USP25: variants seen among roughly 807,000 people sequenced by gnomAD.
USP25 encodes ubiquitin carboxyl-terminal hydrolase 25.
In USP25, 85 loss-of-function variants were observed where a neutral mutation model predicts 158.5. The ratio of observed to expected loss-of-function variants is 0.54; its 90% CI spans 0.45 to 0.64. The LOEUF (loss-of-function observed/expected upper bound fraction) is 0.64. USP25 is among the 30% of genes least tolerant of loss of function. The pLI is 0.00. For missense variants in USP25, 1,242 were observed against 1,327.3 expected, an observed-to-expected ratio of 0.94 and a Z score of 1.00; for synonymous variants, 464 against 460.4, an observed-to-expected ratio of 1.01 and a Z score of -0.10.
At chr21:15,847,592 G>C (rs1019849623) in intron 18 of USP25, 71 bp from the exon 19 acceptor site, 1 of 1,071,812 alleles carries the variant, frequency 9.3e-7, no homozygotes, top group Non-Finnish European at 1.4e-6. Flanking sequence ...AGGTTATACA[G>C]TTGTGCAAGG....
intron 7 of USP25, among the ~76,000 whole-genome samples, chr21:15,807,699 T>C (rs2036460447): frequency 6.6e-6 from 1 of 152,330 alleles, no homozygotes; most frequent in African/African-American, 2.4e-5. Context: ...GTTTTCTGTT[T>C]CTTACAAGAA....
In USP25 at chr21:15,826,855, A is replaced by G. The variant is rs888007479; in HGVS notation, c.1467-122A>G. The G allele has an allele frequency of 8.2e-6, 7 of 848,658 alleles. No homozygotes were observed. The highest frequency in any genetic ancestry group is 5.1e-5 in the African/African-American group (3 of 58,716). The allele number at this position is 848,658 out of a possible 1,614,324, so 52.6% of individuals were successfully genotyped here. ...TCATTTGGATGTTAGATCAATCCAC[A>G]TATTTCTTTAAGATTTTTTCTTTTG... On this transcript the variant is annotated intron_variant, in intron 13 of 25. Coordinates refer to ENST00000400183, the MANE Select transcript of USP25 (RefSeq NM_001283041.3). This position sits in a 1 kb window ranked among gnomAD's most constrained non-coding sequence, Gnocchi z 4.8.
At chr21:15,777,259 G>A (rs1388180157) in intron 3 of USP25, among the ~76,000 whole-genome samples, 4 of 152,088 alleles carry the variant, frequency 2.6e-5, no homozygotes, top group Non-Finnish European at 5.9e-5. Flanking sequence ...AAATTAAAAG[G>A]ACTGCATATT....
At chr21:15,817,598 A>T (rs1248832228) in intron 9 of USP25, among the ~76,000 whole-genome samples, 1 of 152,172 alleles carries the variant, frequency 6.6e-6, no homozygotes, top group African/African-American at 2.4e-5. Flanking sequence ...ACAGTTTTAC[A>T]TGGCTGGGGA....
Position 15,842,419 on chromosome 21 carries a change from A to C in USP25, c.2216A>C (p.Glu739Ala). 6.2e-7 allele frequency: 1 copy of C among 1,613,680 alleles called. No homozygotes were observed. Among genetic ancestry groups the C allele is most frequent in the Non-Finnish European group, 8.5e-7 (1 of 1,179,716 alleles). The change falls in exon 18 of 26, where the codon GAA (glutamate) becomes GCA (alanine). Residue 739 changes from glutamate (E) to alanine (A), a missense_variant. By Grantham distance (107) the Glu-to-Ala change is moderately radical (BLOSUM62 -1). Transcript: ENST00000400183. ...GAAGCACAAGCAGCAGGAGACCCAG[A>C]ATATCTAGAGCAGCCATCAAGAAGT... is the stretch of plus-strand genomic sequence containing the variant. ...VTTAQAAGDP[E>A]YLEQPSRSDF...
At chr21:15,762,742 G>A (rs759673443) in intron 1 of USP25, 149 bp from the exon 2 acceptor site, 16 of 601,690 alleles carry the variant, frequency 2.7e-5, no homozygotes, top group Non-Finnish European at 3.7e-5. Context: ...AAGTTGTTTG[G>A]CCTTTCTCAA....
At chr21:15,853,437 G>A (rs1182508893) in intron 20 of USP25, among the ~76,000 whole-genome samples, 2 of 151,978 alleles carry the variant, frequency 1.3e-5, no homozygotes, top group Non-Finnish European at 2.9e-5. Context: ...ATGGACATGT[G>A]TCCTATATTT....
At chr21:15,785,882 CAG>C (rs755927337) in intron 4 of USP25, among the ~76,000 whole-genome samples, 2 of 145,514 alleles carry the variant, frequency 1.4e-5, no homozygotes, top group Non-Finnish European at 3.0e-5. Context: ...AGAAGATAAA[CAG>C]AATCAACAAA....
At position 15,825,062 on chromosome 21, in the gene USP25, G is replaced by C; in HGVS notation, c.1304+1G>C. The C allele has an allele frequency of 6.3e-7, 1 of 1,585,534 alleles. No homozygotes were observed. The highest frequency in any genetic ancestry group is 8.6e-7 in the Non-Finnish European group (1 of 1,167,226). On this transcript the variant is annotated splice_donor_variant, in intron 12 of 25. Coordinates refer to ENST00000400183, the MANE Select transcript of USP25 (RefSeq NM_001283041.3). LOFTEE classifies it high-confidence loss of function. ...CGGTATTACAACAAAGGCTAGAAAG[G>C]TATTTTAACTTTTATGAAATTAGGA...
intron 9 of USP25, among the ~76,000 whole-genome samples, chr21:15,817,173 C>CA (rs11334812): frequency 0.078 from 10,578 of 135,968 alleles, 448 homozygotes; most frequent in Non-Finnish European, 0.099. Context: ...TCTAGTTGTT[C>CA]AAAAAAAAAA....
intron 9 of USP25, 119 bp from the exon 10 acceptor site, chr21:15,818,579 T>G (rs1294261113): frequency 3.6e-6 from 3 of 836,720 alleles, no homozygotes. Context: ...CTAACACTTC[T>G]CAGGAATGAA....
In USP25 at chr21:15,843,326, T is replaced by TA. The variant is rs1351219469; in HGVS notation, c.2337+791dup. On this transcript the variant is annotated intron_variant, in intron 18 of 25. Coordinates refer to ENST00000400183, the MANE Select transcript of USP25 (RefSeq NM_001283041.3). The surrounding 1 kb of genome is among the most constrained non-coding windows in gnomAD (Gnocchi z 4.0). ...ATATTTGAAGATTCCCCTTGACAAC[T>TA]AAAAAGAGTACGACATATCATAATT... 1.3e-5 allele frequency among the ~76,000 whole-genome samples: 2 copies of TA among 152,170 alleles called. No homozygotes were observed. Among genetic ancestry groups the TA allele is most frequent in the Non-Finnish European group, 2.9e-5 (2 of 68,018 alleles).
At chr21:15,831,232 T>G (rs189638264) in intron 15 of USP25, among the ~76,000 whole-genome samples, 169 bp from the exon 16 acceptor site, 225 of 152,236 alleles carry the variant, frequency 1.5e-3, no homozygotes, top group Non-Finnish European at 6.6e-4. Context: ...CTTTTTAAAG[T>G]TTTATAGTTT....
intron 20 of USP25, among the ~76,000 whole-genome samples, chr21:15,863,657 A>C (rs1293508763): frequency 6.6e-6 from 1 of 152,242 alleles, no homozygotes; most frequent in Non-Finnish European, 1.5e-5. Context: ...TAAATTTTAC[A>C]GAATTACTCA....
In USP25 at chr21:15,826,096, T is replaced by C; in HGVS notation, c.1305-108T>C. 1 of 1,164,520 alleles carries C rather than the reference T, an allele frequency of 8.6e-7. No homozygotes were observed. Among genetic ancestry groups the C allele is most frequent in the East Asian group, 2.5e-5 (1 of 39,622 alleles). The allele number at this position is 1,164,520 out of a possible 1,614,324, so 72.1% of individuals were successfully genotyped here. ...TCGTTTTAAAGCAAATGAATTTTAT[T>C]GCTGAGGAAGTTTTATTGAAGTATC... On this transcript the variant is annotated intron_variant, in intron 12 of 25. Transcript: ENST00000400183. This position sits in a 1 kb window ranked among gnomAD's most constrained non-coding sequence, Gnocchi z 4.8.
intron 25 of USP25, 76 bp from the exon 26 acceptor site, chr21:15,878,227 A>T: frequency 6.5e-7 from 1 of 1,531,242 alleles, no homozygotes. Context: ...GAGTAAGTTA[A>T]TATTAGTAAA....
intron 20 of USP25, among the ~76,000 whole-genome samples, chr21:15,862,186 A>G (rs2039456658): frequency 6.6e-6 from 1 of 152,150 alleles, no homozygotes; most frequent in African/African-American, 2.4e-5. Context: ...ATGATATACG[A>G]AATATTTGAA....
intron 20 of USP25, among the ~76,000 whole-genome samples, chr21:15,856,022 A>G (rs1466820193): frequency 1.3e-5 from 2 of 152,184 alleles, no homozygotes; most frequent in Non-Finnish European, 2.9e-5. Flanking sequence ...TTGTATGACT[A>G]TAATTTTTTT....
At chr21:15,846,680 G>C (rs1461563999) in intron 18 of USP25, among the ~76,000 whole-genome samples, 1 of 152,096 alleles carries the variant, frequency 6.6e-6, no homozygotes, top group Non-Finnish European at 1.5e-5. Flanking sequence ...TTATCTTTGT[G>C]TATGAAAACT....
Sources: gnomAD v4.1 joint callset for allele counts (sites outside exome capture counted in the v4.1 genomes callset) on GRCh38, gnomAD v4.1.1 for gene constraint, Gnocchi (gnomAD v3.1) non-coding constraint, MANE v1.5 for transcripts, NCBI Gene and HGNC (gene_info 2026-07-23, HGNC 2026-07-21) for gene names.